The following DIAPH2 variants were observed in gnomAD, a reference collection of about 807,000 sequenced individuals.
The protein encoded by DIAPH2 is diaphanous related formin 2, also known as protein diaphanous homolog 2.
A neutral mutation model predicts 92.7 loss-of-function variants in DIAPH2; 35 were observed. The ratio of observed to expected loss-of-function variants is 0.38; its 90% confidence interval spans 0.29 to 0.50. The LOEUF (loss-of-function observed/expected upper bound fraction) is 0.50, where lower values mean the gene tolerates loss of function less well. Among genes scored for constraint, DIAPH2 ranks in the 20% least tolerant of loss-of-function variants. The probability of loss-of-function intolerance (pLI) is 0.94; values close to 1 mark genes in which losing one functional copy is unlikely to be tolerated. For missense variants in DIAPH2, 701 were observed against 819.5 expected (o/e 0.86, Z 1.77); for synonymous variants, 301 against 280.4 (o/e 1.07, Z -0.73).
chrX:97,238,231 GTC>G (rs2068064815), intron 22 of DIAPH2, among the ~76,000 whole-genome samples: 1 of 112,084 alleles, frequency 8.9e-6, no homozygotes, highest in Non-Finnish European at 1.9e-5. Flanking sequence ...TTTGTTAGAA[GTC>G]TCTCTTTATT....
intron 26 of DIAPH2, among the ~76,000 whole-genome samples, chrX:97,583,987 C>G (rs904196668): frequency 8.9e-6 from 1 of 112,774 alleles, no homozygotes; most frequent in Non-Finnish European, 1.9e-5. Flanking sequence ...AGCTCCCTGA[C>G]CCCTTGGGCT....
chrX:96,692,385 A>G (rs2063802217), intron 1 of DIAPH2, among the ~76,000 whole-genome samples: 1 of 112,140 alleles, frequency 8.9e-6, no homozygotes, highest in African/African-American at 3.2e-5. Flanking sequence ...AATATTACCA[A>G]TTGCCTAAAA....
At chrX:96,812,365 T>C (rs2064690872) in intron 4 of DIAPH2, among the ~76,000 whole-genome samples, 1 of 112,123 alleles carries the variant, frequency 8.9e-6, no homozygotes, top group South Asian at 3.7e-4. Flanking sequence ...TTGGTGCTGA[T>C]ATCCCCTTTA....
intron 17 of DIAPH2, among the ~76,000 whole-genome samples, chrX:97,011,396 T>C (rs2066224606): frequency 8.9e-6 from 1 of 111,876 alleles, no homozygotes; most frequent in African/African-American, 3.2e-5. Context: ...AGACAATGAA[T>C]AAAATGAGAT....
At chrX:96,696,445 G>T (rs1412386791) in intron 1 of DIAPH2, among the ~76,000 whole-genome samples, 1 of 111,889 alleles carries the variant, frequency 8.9e-6, no homozygotes, top group African/African-American at 3.3e-5. Flanking sequence ...ATTGAAAGCT[G>T]TAATACATCT....
chrX:97,354,798 A>G (rs935788913), intron 24 of DIAPH2, among the ~76,000 whole-genome samples: 1 of 112,740 alleles, frequency 8.9e-6, no homozygotes, highest in Admixed American at 9.4e-5. Context: ...TCTTCTCCCA[A>G]ATTGGGAAAT....
intron 4 of DIAPH2, among the ~76,000 whole-genome samples, chrX:96,797,749 TA>T (rs1475329819): frequency 8.9e-6 from 1 of 112,450 alleles, no homozygotes; most frequent in Non-Finnish European, 1.9e-5. Context: ...GTTACATAGG[TA>T]AATGTGGAGT....
chrX:96,785,475 CTTTT>C (rs1157552270), intron 4 of DIAPH2, among the ~76,000 whole-genome samples: 3 of 57,177 alleles, frequency 5.2e-5, no homozygotes, highest in South Asian at 9.5e-4. Context: ...CCAAACTTGC[CTTTT>C]TTTTTTTTTT....
At chrX:96,873,992 C>G (rs2065161839) in intron 4 of DIAPH2, among the ~76,000 whole-genome samples, 1 of 111,306 alleles carries the variant, frequency 9.0e-6, no homozygotes, top group Admixed American at 9.6e-5. Flanking sequence ...TTGTATAACT[C>G]AAGTAATTTT....
rs1456052996 is a variant in DIAPH2 at position 97,210,141 on chromosome X, A to G, written c.2720-37574A>G. On this transcript the variant is annotated intron_variant, in intron 22 of 26. Transcript: ENST00000324765. ...GTGGATGACTCTAACTTTTGGAAAA[A>G]CAAATTACCAGGTAGTATAAAGTGT... 1.2e-4 allele frequency among the ~76,000 whole-genome samples: 13 copies of G among 111,643 alleles called. No individual in the cohort carries two copies. In the Admixed American group the frequency reaches 1.2e-3, roughly 11 times the overall value.
At chrX:97,361,573 C>G (rs1229221396) in intron 24 of DIAPH2, among the ~76,000 whole-genome samples, 2 of 112,190 alleles carry the variant, frequency 1.8e-5, no homozygotes, top group Non-Finnish European at 3.8e-5. Context: ...GTTTTACTCT[C>G]TTACATCACA....
At chrX:96,862,712 T>G (rs1314520331) in intron 4 of DIAPH2, among the ~76,000 whole-genome samples, 1 of 112,154 alleles carries the variant, frequency 8.9e-6, no homozygotes, top group African/African-American at 3.2e-5. Context: ...TAGACTGGTT[T>G]TGTATTATGT....
At chrX:97,106,495 T>G (rs935040678) in intron 20 of DIAPH2, among the ~76,000 whole-genome samples, 3 of 112,226 alleles carry the variant, frequency 2.7e-5, no homozygotes, top group Non-Finnish European at 5.6e-5. Context: ...TAAAACCACC[T>G]GAAAATTGAA....
chrX:97,339,342 C>G (rs987461563), intron 23 of DIAPH2, among the ~76,000 whole-genome samples: 4 of 109,991 alleles, frequency 3.6e-5, no homozygotes, highest in Non-Finnish European at 3.8e-5. Flanking sequence ...TGATGAAACC[C>G]CATCTCTACT....
intron 19 of DIAPH2, among the ~76,000 whole-genome samples, chrX:97,094,345 G>A (rs748385845): frequency 1.8e-5 from 2 of 111,898 alleles, no homozygotes; most frequent in Non-Finnish European, 3.8e-5. Context: ...TTTAGGATAT[G>A]TTTCTCTGCC....
intron 5 of DIAPH2, among the ~76,000 whole-genome samples, chrX:96,882,832 G>A (rs1006434061): frequency 1.9e-5 from 2 of 105,438 alleles, no homozygotes; most frequent in African/African-American, 7.0e-5. Context: ...GGTGATGTGC[G>A]CCTGTGGTCC....
chrX:97,567,718 T>C (rs909572281), intron 26 of DIAPH2, among the ~76,000 whole-genome samples: 2 of 111,774 alleles, frequency 1.8e-5, no homozygotes, highest in South Asian at 3.7e-4. Flanking sequence ...CAGTGTGTTA[T>C]AGAGAATAGT....
chrX:96,958,478 G>A (rs1488718006), intron 16 of DIAPH2, among the ~76,000 whole-genome samples: 2 of 111,192 alleles, frequency 1.8e-5, no homozygotes, highest in Admixed American at 1.9e-4. Context: ...CGTATTTATG[G>A]GGTACATATG....
At chrX:96,784,708 A>G (rs926782952) in intron 4 of DIAPH2, among the ~76,000 whole-genome samples, 16 of 112,615 alleles carry the variant, frequency 1.4e-4, no homozygotes, top group African/African-American at 4.8e-4. Context: ...ATATGGTCCA[A>G]AAGTTTGAAG....
Sources: allele counts gnomAD v4.1 joint callset (sites outside exome capture counted in the v4.1 genomes callset), GRCh38; gene constraint gnomAD v4.1.1; transcripts MANE v1.5; gene names NCBI Gene and HGNC (gene_info 2026-07-23, HGNC 2026-07-21).